Variants in VAV3 observed in about 807,000 individuals in gnomAD.
The protein encoded by VAV3 is vav guanine nucleotide exchange factor 3.
VAV3 carries 94 observed loss-of-function variants against 131.2 expected under a neutral mutation model. The observed-to-expected ratio is 0.72, with a 90% CI of 0.61 to 0.85. The LOEUF is 0.85. VAV3 is among the 40% of genes least tolerant of loss of function. The pLI, the probability that VAV3 is intolerant of heterozygous loss-of-function variation, is 0.00. For synonymous variants in VAV3, 349 were observed against 342.0 expected, an observed-to-expected ratio of 1.02 and a Z score of -0.22; for missense variants, 939 against 1,002.7, an observed-to-expected ratio of 0.94 and a Z score of 0.86.
chr1:107,902,520 C>T (rs1028178357), intron 1 of VAV3, among the ~76,000 whole-genome samples: 3 of 152,116 alleles, frequency 2.0e-5, no homozygotes, highest in Non-Finnish European at 1.5e-5. Context: ...CACCTAAGTA[C>T]CGCTAGATAG....
At chr1:107,763,529 T>A (rs1029513620) in intron 9 of VAV3, among the ~76,000 whole-genome samples, 5 of 152,166 alleles carry the variant, frequency 3.3e-5, no homozygotes, top group Non-Finnish European at 5.9e-5. Flanking sequence ...TTGTAAAATT[T>A]AATTTTATCA....
In VAV3 at chr1:107,885,159, C is replaced by T. The variant is rs150197358; in HGVS notation, c.205-10142G>A. 2.2e-3 allele frequency among the ~76,000 whole-genome samples: 336 copies of T among 152,260 alleles called. 1 individual carries two copies. The highest frequency in any genetic ancestry group is 7.7e-3 in the African/African-American group (320 of 41,548). ...GAAGCAGGGAACAAGAATCGCCATGCTTGCCTTGCCCCAGAAGGAGGGGAG... is the reference window on the plus strand; with the variant it reads ...GAAGCAGGGAACAAGAATCGCCATGTTTGCCTTGCCCCAGAAGGAGGGGAG... On this transcript the variant is annotated intron_variant, in intron 1 of 26. Transcript: ENST00000370056.
intron 17 of VAV3, among the ~76,000 whole-genome samples, chr1:107,689,732 T>C (rs1395288368): frequency 6.6e-6 from 1 of 152,186 alleles, no homozygotes; most frequent in Non-Finnish European, 1.5e-5. Flanking sequence ...GACAAAAAGT[T>C]ACTTCATTTC....
intron 5 of VAV3, among the ~76,000 whole-genome samples, chr1:107,772,126 T>C (rs574188935): frequency 6.6e-6 from 1 of 152,342 alleles, no homozygotes; most frequent in Admixed American, 6.5e-5. Context: ...CTTTTTCTGT[T>C]GTTGTTTCAA....
intron 1 of VAV3, among the ~76,000 whole-genome samples, chr1:107,904,507 CTGCACTG>C (rs1672013024): frequency 6.6e-6 from 1 of 152,104 alleles, no homozygotes; most frequent in South Asian, 2.1e-4. Context: ...CTCCATGTTT[CTGCACTG>C]TGGTCACTGT....
At chr1:107,939,593 C>T (rs558663954) in intron 1 of VAV3, among the ~76,000 whole-genome samples, 242 of 152,290 alleles carry the variant, frequency 1.6e-3, no homozygotes, top group Non-Finnish European at 2.6e-3. Flanking sequence ...GTCTACAAAA[C>T]ACCCAGTCTT....
chr1:107,716,074 A>T (rs1661073895), intron 15 of VAV3, among the ~76,000 whole-genome samples: 1 of 152,184 alleles, frequency 6.6e-6, no homozygotes, highest in Non-Finnish European at 1.5e-5. Context: ...ATTATGTACA[A>T]AAAAGGTGTT....
chr1:107,751,722 T>C lies in VAV3; in HGVS notation c.1174-520A>G, dbSNP rs1307693526. ...TCTATAAAGTCCAGGCTGGCTTTCT[T>C]GAGCTAGGACCTCAAGGACGAAAAG... On this transcript the variant is annotated intron_variant, in intron 12 of 26. Transcript: ENST00000370056. Among the ~76,000 whole-genome samples, 7 of 152,296 alleles carry C rather than the reference T, an allele frequency of 4.6e-5. No homozygotes were observed. The East Asian group carries it at 7.7e-4, about 17-fold the overall frequency.
chr1:107,728,162 T>C (rs1206263056), intron 15 of VAV3, among the ~76,000 whole-genome samples: 1 of 152,162 alleles, frequency 6.6e-6, no homozygotes, highest in East Asian at 1.9e-4. Flanking sequence ...GTCTTCCTCC[T>C]CTGTCCCAAA....
At chr1:107,673,287 C>T (rs1657954223) in intron 19 of VAV3, among the ~76,000 whole-genome samples, 1 of 152,176 alleles carries the variant, frequency 6.6e-6, no homozygotes, top group African/African-American at 2.4e-5. Context: ...ATCTGTTCAT[C>T]AGAATAAAGT....
At chr1:107,955,316 TG>T (rs1321988249) in intron 1 of VAV3, among the ~76,000 whole-genome samples, 4 of 147,148 alleles carry the variant, frequency 2.7e-5, no homozygotes, top group Non-Finnish European at 4.4e-5. Flanking sequence ...GTGCTGGCTA[TG>T]TTTTTTTTTT....
intron 9 of VAV3, among the ~76,000 whole-genome samples, chr1:107,762,218 C>G (rs1664482026): frequency 6.6e-6 from 1 of 151,916 alleles, no homozygotes; most frequent in Non-Finnish European, 1.5e-5. Context: ...AAGGACCTTT[C>G]CAGTTCATAG....
chr1:107,938,168 T>C (rs1314852704), intron 1 of VAV3, among the ~76,000 whole-genome samples: 1 of 151,206 alleles, frequency 6.6e-6, no homozygotes, highest in East Asian at 1.9e-4. Flanking sequence ...GTGGGAAGGG[T>C]AAGAATGAAA....
chr1:107,649,018 C>T (rs1256746464), intron 19 of VAV3, among the ~76,000 whole-genome samples: 1 of 151,836 alleles, frequency 6.6e-6, no homozygotes. Context: ...GGTAATAACT[C>T]CCAGTAATAT....
At chr1:107,638,882 A>G (rs756855992) in intron 20 of VAV3, among the ~76,000 whole-genome samples, 2 of 152,144 alleles carry the variant, frequency 1.3e-5, no homozygotes, top group Non-Finnish European at 2.9e-5. Flanking sequence ...ACATATACAT[A>G]TATATGAAGA....
intron 1 of VAV3, among the ~76,000 whole-genome samples, chr1:107,909,482 A>C (rs1055259162): frequency 6.6e-6 from 1 of 152,192 alleles, no homozygotes; most frequent in Non-Finnish European, 1.5e-5. Context: ...CCCGAGCTTT[A>C]TATTTCCATT....
chr1:107,697,572 G>A (rs1044853156), intron 17 of VAV3, among the ~76,000 whole-genome samples: 2 of 152,168 alleles, frequency 1.3e-5, no homozygotes, highest in Non-Finnish European at 2.9e-5. Flanking sequence ...AGAGAATGAT[G>A]CTACTTTTTA....
In VAV3 at chr1:107,794,305, A is replaced by G. The variant is rs541531970; in HGVS notation, c.322-14813T>C. Among the ~76,000 whole-genome samples, 160 of 152,290 alleles carry G rather than the reference A, an allele frequency of 1.1e-3. 1 individual carries two copies. Among genetic ancestry groups the G allele is most frequent in the Non-Finnish European group, 2.0e-3 (139 of 68,036 alleles). ...GTGTGTGCTGTACCACCCATGGGCCAGTACTAATAAAACAGGATTATGGAA... is the reference window on the plus strand; with the variant it reads ...GTGTGTGCTGTACCACCCATGGGCCGGTACTAATAAAACAGGATTATGGAA... On this transcript the variant is annotated intron_variant, in intron 2 of 26. Coordinates refer to ENST00000370056, the MANE Select transcript of VAV3 (RefSeq NM_006113.5).
intron 15 of VAV3, among the ~76,000 whole-genome samples, chr1:107,706,873 C>T (rs1660486877): frequency 6.6e-6 from 1 of 152,118 alleles, no homozygotes; most frequent in African/African-American, 2.4e-5. Flanking sequence ...AAATAAGTTC[C>T]AAACAGGTAA....
Sources: allele counts gnomAD v4.1 joint callset (sites outside exome capture counted in the v4.1 genomes callset), GRCh38; gene constraint gnomAD v4.1.1; transcripts MANE v1.5; gene names NCBI Gene and HGNC (gene_info 2026-07-23, HGNC 2026-07-21).